The following TBC1D9B variants were observed in gnomAD, a reference collection of about 807,000 sequenced individuals.
TBC1D9B encodes TBC1 domain family member 9B, also known as TBC1 domain family, member 9B (with GRAM domain).
Under a neutral mutation model 121.1 loss-of-function variants are expected in TBC1D9B, and 87 were observed. That is an observed-to-expected ratio of 0.72 (90% confidence interval 0.60 to 0.86). The LOEUF (loss-of-function observed/expected upper bound fraction) is 0.86, where lower values mean the gene tolerates loss of function less well. Among genes scored for constraint, TBC1D9B ranks in the 40% least tolerant of loss-of-function variants. The probability of loss-of-function intolerance (pLI) is 0.00; values close to 1 mark genes in which losing one functional copy is unlikely to be tolerated. For missense variants in TBC1D9B, 1,540 were observed against 1,628.6 expected, an observed-to-expected ratio of 0.95 and a Z score of 0.94; for synonymous variants, 668 against 670.1, an observed-to-expected ratio of 1.00 and a Z score of 0.05.
chr5:179,874,814 A>G lies in TBC1D9B; in HGVS notation c.2186+88T>C, dbSNP rs1463277429. ...CTGCAGCCTGGCACTTGGTGGGCAC[A>G]GTCACTTCAGGCTGACTGGACAGTG... On this transcript the variant is annotated intron_variant, in intron 12 of 20. Transcript: ENST00000355235. This position sits in a 1 kb window ranked among gnomAD's most constrained non-coding sequence, Gnocchi z 4.3. The G allele has an allele frequency of 6.5e-7, 1 of 1,534,072 alleles. No homozygotes were observed.
In TBC1D9B at chr5:179,870,300, T is replaced by A; in HGVS notation, c.2680A>T (p.Asn894Tyr). ...AGRMFRLLDENKDSLINFKEF... is the reference protein window; with the variant it reads ...AGRMFRLLDEYKDSLINFKEF... ...TTGAAGTTGATCAGCGAGTCCTTGT[T>A]TTCGTCCAGGAGCCTGAACATGCGC... The change falls in exon 16 of 21, where the codon AAC (asparagine) becomes TAC (tyrosine). Residue 894 changes from asparagine to tyrosine, a missense_variant. Asn to Tyr is a moderately radical substitution (Grantham distance 143). Transcript: ENST00000355235. 3.1e-6 allele frequency: 5 copies of A among 1,613,858 alleles called. No individual in the cohort carries two copies. The highest frequency in any genetic ancestry group is 4.2e-6 in the Non-Finnish European group (5 of 1,180,004).
chr5:179,871,526 C>G lies in TBC1D9B; in HGVS notation c.2420G>C (p.Arg807Pro). The change falls in exon 15 of 21, where the codon CGA (arginine) becomes CCA (proline). Residue 807 changes from arginine (R) to proline (P), a missense_variant. Transcript: ENST00000355235. ...LEDTAKRSVV[R>P]AIPVDIGFSI... ...GAAACCAATGTCCACAGGTATAGCT[C>G]GGACCTAGAAGGAAGGAGAAACAGG... The G allele has an allele frequency of 6.2e-7, 1 of 1,612,724 alleles. No homozygotes were observed. The highest frequency in any genetic ancestry group is 8.5e-7 in the Non-Finnish European group (1 of 1,179,414).
In TBC1D9B at chr5:179,874,433, G is replaced by A. The variant is rs1000309278; in HGVS notation, c.2186+469C>T. ...GGGGCTGGGATGACCCTGGACATTTGGCGTGACTAGTGGGACATCAGCTCA... is the reference window on the plus strand; with the variant it reads ...GGGGCTGGGATGACCCTGGACATTTAGCGTGACTAGTGGGACATCAGCTCA... On this transcript the variant is annotated intron_variant, in intron 12 of 20. Transcript: ENST00000355235. The surrounding 1 kb of genome is among the most constrained non-coding windows in gnomAD (Gnocchi z 4.3). 1.3e-5 allele frequency among the ~76,000 whole-genome samples: 2 copies of A among 152,154 alleles called. No homozygotes were observed. Among genetic ancestry groups the A allele is most frequent in the African/African-American group, 4.8e-5 (2 of 41,430 alleles).
chr5:179,907,797 G>A lies in TBC1D9B; in HGVS notation c.25C>T (p.Leu9=). The A allele has an allele frequency of 8.2e-7, 1 of 1,218,534 alleles. No homozygotes were observed. Among genetic ancestry groups the A allele is most frequent in the Non-Finnish European group, 1.1e-6 (1 of 951,222 alleles). 75.5% of individuals were successfully genotyped at this position (1,218,534 alleles called of 1,614,324 possible). A position where few individuals can be genotyped will look rare whatever the true frequency, so the allele number is the denominator to read the frequency against. MWLSPEEV[L]VANALWVTER... is the part of the protein sequence containing the mutation. ...GTCACCCACAGCGCATTGGCCACCA[G>A]CACCTCCTCCGGGCTCAGCCACATC... Residue 9 remains leucine, a synonymous_variant, in exon 1 of 21, where the codon CTG becomes TTG. Coordinates refer to ENST00000355235, the MANE Select transcript of TBC1D9B (RefSeq NM_015043.4). This position sits in a 1 kb window ranked among gnomAD's most constrained non-coding sequence, Gnocchi z 5.3.
At chr5:179,886,210 T>C (rs1287711783) in intron 7 of TBC1D9B, among the ~76,000 whole-genome samples, 1 of 152,164 alleles carries the variant, frequency 6.6e-6, no homozygotes, top group Non-Finnish European at 1.5e-5. Flanking sequence ...CTGCCTGACA[T>C]ATTGTATGTT....
Position 179,863,362 on chromosome 5 carries a change from G to T in TBC1D9B, c.*86C>A. ...AGAGCAGGAGGGGCACACCTTTAAA[G>T]AGAAACTGATAAGGGAGGAAAGGCA... is the stretch of plus-strand genomic sequence containing the variant. On this transcript the variant is annotated 3_prime_UTR_variant, in exon 21 of 21. Transcript: ENST00000355235. This position sits in a 1 kb window ranked among gnomAD's most constrained non-coding sequence, Gnocchi z 4.5. 2 of 1,474,760 alleles carry T rather than the reference G, an allele frequency of 1.4e-6. No individual in the cohort carries two copies. Among genetic ancestry groups the T allele is most frequent in the Non-Finnish European group, 1.8e-6 (2 of 1,091,018 alleles). The allele number at this position is 1,474,760 out of a possible 1,614,324, so 91.4% of individuals were successfully genotyped here.
At position 179,865,517 on chromosome 5, in the gene TBC1D9B, C is replaced by G; in HGVS notation, c.2915-157G>C. ...GGGAAGGTGGTCATGGGAAAAAAAC[C>G]CAGAACAGCCACAGGTTTTCCCTAA... On this transcript the variant is annotated intron_variant, in intron 19 of 20. Transcript: ENST00000355235. The surrounding 1 kb of genome is among the most constrained non-coding windows in gnomAD (Gnocchi z 5.1). 2 of 690,970 alleles carry G rather than the reference C, an allele frequency of 2.9e-6. No homozygotes were observed. Among genetic ancestry groups the G allele is most frequent in the Non-Finnish European group, 4.9e-6 (2 of 404,808 alleles). 42.8% of individuals were successfully genotyped at this position (690,970 alleles called of 1,614,324 possible).
In TBC1D9B at chr5:179,867,830, G is replaced by A. The variant is rs1321959174; in HGVS notation, c.2811C>T (p.Ala937=). 13 of 1,526,326 alleles carry A rather than the reference G, an allele frequency of 8.5e-6. No homozygotes were observed. The highest frequency in any genetic ancestry group is 2.8e-5 in the African/African-American group (2 of 72,078). 94.5% of individuals were successfully genotyped at this position (1,526,326 alleles called of 1,614,324 possible). The stretch of plus-strand genomic sequence containing the variant: ...AATGGGCCGCCTCCAGGGCTGACTC[G>A]GCTTCCTCTGGGCTCAGAGCTGTGC... The part of the protein sequence containing the change: ...HLPPALSPEE[A]ESALEAAHYF... The change falls in exon 18 of 21, where the codon GCC becomes GCT. Residue 937 remains alanine, a synonymous_variant. Transcript: ENST00000355235.
chr5:179,890,432 G>T lies in TBC1D9B; in HGVS notation c.1044+947C>A, dbSNP rs368005160. On this transcript the variant is annotated intron_variant, in intron 6 of 20. Coordinates refer to ENST00000355235, the MANE Select transcript of TBC1D9B (RefSeq NM_015043.4). This position sits in a 1 kb window ranked among gnomAD's most constrained non-coding sequence, Gnocchi z 5.0. The stretch of plus-strand genomic sequence containing the variant: ...GGGGGACAGGTCAGTACAGTGCCCC[G>T]GACAGATCCACAGGGCCCTGGTGCT... 2.4e-4 allele frequency among the ~76,000 whole-genome samples: 36 copies of T among 152,298 alleles called. No homozygotes were observed. In the South Asian group the frequency reaches 7.5e-3, roughly 32 times the overall value.
rs961273979 is a variant in TBC1D9B at position 179,906,361 on chromosome 5, G to A, written c.118+1343C>T. On this transcript the variant is annotated intron_variant, in intron 1 of 20. Transcript: ENST00000355235. ...CCCAGGGGACACGGAGAGTGAGGTG[G>A]AAAGGAGAAGAGCCCGCAGGAAGGA... is the stretch of plus-strand genomic sequence containing the variant. Among the ~76,000 whole-genome samples the A allele has an allele frequency of 2.0e-5, 3 of 152,274 alleles. No individual in the cohort carries two copies. In the East Asian group the frequency reaches 5.8e-4, roughly 29 times the overall value.
In TBC1D9B at chr5:179,870,439, C is replaced by T; in HGVS notation, c.2541G>A (p.Arg847=). The change falls in exon 16 of 21, where the codon CGG becomes CGA. Residue 847 remains arginine, a synonymous_variant. Transcript: ENST00000355235. ...GCTCCAGGTAGGGCAGGCTGGGGTC[C>T]CGACGGCCGGCCATTGTGCGGCTGC... The part of the protein sequence containing the change: ...WGCSRTMAGR[R]DPSLPYLEQY... The T allele has an allele frequency of 4.3e-6, 7 of 1,613,202 alleles. No individual in the cohort carries two copies. Among genetic ancestry groups the T allele is most frequent in the African/African-American group, 1.3e-5 (1 of 75,058 alleles).
In TBC1D9B at chr5:179,907,066, G is replaced by A. The variant is rs1372821087; in HGVS notation, c.118+638C>T. On this transcript the variant is annotated intron_variant, in intron 1 of 20. Transcript: ENST00000355235. The surrounding 1 kb of genome is among the most constrained non-coding windows in gnomAD (Gnocchi z 5.3). ...TCATCCTGTGTGATGGTGGCACCCG[G>A]GCCCACAAAGGGCCACCTTGGCGAG... 1.3e-5 allele frequency among the ~76,000 whole-genome samples: 2 copies of A among 152,166 alleles called. No individual in the cohort carries two copies. The highest frequency in any genetic ancestry group is 2.4e-5 in the African/African-American group (1 of 41,448).
At chr5:179,889,250 G>A (rs1028519037) in intron 6 of TBC1D9B, among the ~76,000 whole-genome samples, 9 of 152,012 alleles carry the variant, frequency 5.9e-5, no homozygotes, top group Admixed American at 1.3e-4. Context: ...GGATGGTCTC[G>A]ATCTCCTGAC....
intron 4 of TBC1D9B, 43 bp from the exon 5 acceptor site, chr5:179,893,510 A>T (rs1760931903): frequency 6.4e-7 from 1 of 1,553,748 alleles, no homozygotes; most frequent in Admixed American, 1.8e-5. Context: ...AGGGCCTGGC[A>T]GGGCGAGGCT....
At chr5:179,888,671 G>A (rs1463445439) in intron 6 of TBC1D9B, among the ~76,000 whole-genome samples, 1 of 152,162 alleles carries the variant, frequency 6.6e-6, no homozygotes, top group South Asian at 2.1e-4. Context: ...CTTGTTCCCA[G>A]GGAACACTTT....
chr5:179,894,454 G>A lies in TBC1D9B; in HGVS notation c.509C>T (p.Pro170Leu), dbSNP rs949571771. The A allele has an allele frequency of 3.1e-6, 5 of 1,614,030 alleles. No homozygotes were observed. The highest frequency in any genetic ancestry group is 1.7e-5 in the Admixed American group (1 of 59,998). Residue 170 changes from proline (P) to leucine (L), a missense_variant, in exon 4 of 21, where the codon CCC becomes CTC. By Grantham distance (98) the Pro-to-Leu change is moderately conservative. Coordinates refer to ENST00000355235, the MANE Select transcript of TBC1D9B (RefSeq NM_015043.4). Reference protein sequence around the residue: ...YSCSYWKGRVPRQGWLYLTVN... With the variant: ...YSCSYWKGRVLRQGWLYLTVN... ...CGTCAGGTACAGCCAGCCCTGCCGG[G>A]GCACGCGGCCCTTCCAGTAGCTGCA...
chr5:179,903,302 C>T (rs866659340), intron 2 of TBC1D9B, among the ~76,000 whole-genome samples: 1 of 146,068 alleles, frequency 6.8e-6, no homozygotes, highest in East Asian at 1.9e-4. Context: ...CAGGCAAGTG[C>T]CTGGCACACA....
In TBC1D9B at chr5:179,875,102, C is replaced by A; in HGVS notation, c.1986G>T (p.Val662=). Residue 662 remains valine, a synonymous_variant, in exon 12 of 21, where the codon GTG becomes GTT. Transcript: ENST00000355235. The surrounding 1 kb of genome is among the most constrained non-coding windows in gnomAD (Gnocchi z 4.5). ...ACCAGGACAGCGAGATGCTGGAGAT[C>A]ACCCCCAGGTCCTGCATCTTCTCCG... The part of the protein sequence containing the change: ...QLSEKMQDLG[V]ISSISLSWFL... The A allele has an allele frequency of 6.2e-7, 1 of 1,614,054 alleles. No homozygotes were observed. The highest frequency in any genetic ancestry group is 8.5e-7 in the Non-Finnish European group (1 of 1,180,034).
At chr5:179,899,796 G>A (rs1409688099) in intron 2 of TBC1D9B, among the ~76,000 whole-genome samples, 2 of 152,170 alleles carry the variant, frequency 1.3e-5, no homozygotes, top group African/African-American at 2.4e-5. Flanking sequence ...CAGGCCCCTG[G>A]CCAGCGAGGC....
Sources: allele counts gnomAD v4.1 joint callset (sites outside exome capture counted in the v4.1 genomes callset), GRCh38; gene constraint gnomAD v4.1.1; non-coding constraint Gnocchi (gnomAD v3.1); transcripts MANE v1.5; gene names NCBI Gene and HGNC (gene_info 2026-07-23, HGNC 2026-07-21).